RTL4: variants seen among roughly 807,000 people sequenced by gnomAD.
RTL4 encodes the protein retrotransposon Gag-like protein 4.
RTL4 carries 4 observed loss-of-function variants against 5.3 expected under a neutral mutation model. The ratio of observed to expected loss-of-function variants is 0.75; its 90% CI spans 0.37 to 1.72. The LOEUF (loss-of-function observed/expected upper bound fraction) is 1.72, where lower values mean the gene tolerates loss of function less well. RTL4 is among the 40% of genes most tolerant of loss of function. The probability of loss-of-function intolerance (pLI) is 0.04; values close to 1 mark genes in which losing one functional copy is unlikely to be tolerated. For missense variants in RTL4, 260 were observed against 227.1 expected (o/e 1.14, Z -0.93); for synonymous variants, 98 against 87.3 (o/e 1.12, Z -0.68).
chrX:112,389,545 T>G, the RTL4 span, among the ~76,000 whole-genome samples: 1 of 111,369 alleles, frequency 9.0e-6, no homozygotes, highest in African/African-American at 3.3e-5. Flanking sequence ...AGTTCTATGA[T>G]TTCCCCCTTA....
the RTL4 span, among the ~76,000 whole-genome samples, chrX:112,425,535 A>T: frequency 9.0e-6 from 1 of 111,411 alleles, no homozygotes; most frequent in East Asian, 2.8e-4. Flanking sequence ...ACTGTTTTGC[A>T]TTCTCACCAG....
At chrX:112,402,881 G>A in the RTL4 span, among the ~76,000 whole-genome samples, 2 of 111,644 alleles carry the variant, frequency 1.8e-5, no homozygotes, top group Non-Finnish European at 3.8e-5. Context: ...AAAAAAATTT[G>A]TCAGCCGACT....
At chrX:112,238,506 C>T in the RTL4 span, among the ~76,000 whole-genome samples, 4 of 111,174 alleles carry the variant, frequency 3.6e-5, no homozygotes, top group African/African-American at 1.3e-4. Context: ...ACTGCTATTA[C>T]AAAGAGTGCT....
chrX:112,184,031 T>A, the RTL4 span, among the ~76,000 whole-genome samples: 2 of 110,749 alleles, frequency 1.8e-5, no homozygotes, highest in East Asian at 5.7e-4. Context: ...TAGTTCTAGA[T>A]CCCATTTCAT....
the RTL4 span, among the ~76,000 whole-genome samples, chrX:112,088,049 C>T: frequency 9.4e-6 from 1 of 106,469 alleles, no homozygotes; most frequent in African/African-American, 3.5e-5. Context: ...CAGGGCCTCG[C>T]TATATTGTCC....
chrX:112,425,815 G>C, the RTL4 span, among the ~76,000 whole-genome samples: 2 of 111,210 alleles, frequency 1.8e-5, no homozygotes, highest in Non-Finnish European at 3.8e-5. Context: ...AAGATTCTTG[G>C]TATATTTTGG....
the RTL4 span, among the ~76,000 whole-genome samples, chrX:112,193,279 G>A: frequency 1.7e-4 from 19 of 111,020 alleles, no homozygotes; most frequent in South Asian, 3.7e-4. Context: ...TTATTTCTTT[G>A]TGTTGGGAAT....
chrX:112,451,498 C>CA (rs763960643), upstream of RTL4, among the ~76,000 whole-genome samples: 1,412 of 106,690 alleles, frequency 0.013, 12 homozygotes, highest in South Asian at 0.027. Flanking sequence ...GGTTCTGTCT[C>CA]AAAAAAAAAA....
At chrX:112,384,827 C>T in the RTL4 span, among the ~76,000 whole-genome samples, 185 of 111,863 alleles carry the variant, frequency 1.7e-3, no homozygotes, top group African/African-American at 5.7e-3. Context: ...GATATTGATT[C>T]TTCCTATCCA....
At chrX:112,226,435 T>C in the RTL4 span, among the ~76,000 whole-genome samples, 1 of 112,012 alleles carries the variant, frequency 8.9e-6, no homozygotes, top group Non-Finnish European at 1.9e-5. Flanking sequence ...AGAATGATCC[T>C]TAAGCAGATT....
At chrX:112,344,974 GACTT>G in the RTL4 span, among the ~76,000 whole-genome samples, 1 of 111,250 alleles carries the variant, frequency 9.0e-6, no homozygotes, top group African/African-American at 3.3e-5. Context: ...GAACTCGTGA[GACTT>G]ACTCACTACT....
the RTL4 span, among the ~76,000 whole-genome samples, chrX:112,185,508 T>C: frequency 9.3e-6 from 1 of 107,355 alleles, no homozygotes; most frequent in Non-Finnish European, 1.9e-5. Flanking sequence ...TGTGCTCTCG[T>C]AGAATTGTGT....
the RTL4 span, among the ~76,000 whole-genome samples, chrX:112,431,510 G>T: frequency 9.0e-6 from 1 of 110,603 alleles, no homozygotes; most frequent in Non-Finnish European, 1.9e-5. Context: ...TTACAATTCA[G>T]GTTTTCCTAC....
chrX:112,323,961 C>T, the RTL4 span, among the ~76,000 whole-genome samples: 2 of 112,083 alleles, frequency 1.8e-5, no homozygotes, highest in African/African-American at 3.2e-5. Context: ...AAAATTCACT[C>T]GTTTAAACTG....
At chrX:112,093,169 G>T in the RTL4 span, among the ~76,000 whole-genome samples, 1 of 111,254 alleles carries the variant, frequency 9.0e-6, no homozygotes, top group East Asian at 2.8e-4. Flanking sequence ...TCCACACCTG[G>T]ATAATTGCAG....
chrX:112,206,825 C>G, the RTL4 span, among the ~76,000 whole-genome samples: 1 of 111,780 alleles, frequency 8.9e-6, no homozygotes, highest in Non-Finnish European at 1.9e-5. Flanking sequence ...ATTCTGACCC[C>G]TACTCCTCCC....
the RTL4 span, among the ~76,000 whole-genome samples, chrX:112,258,052 C>T: frequency 0.22 from 24,090 of 108,615 alleles, 2,283 homozygotes; most frequent in African/African-American, 0.36. Flanking sequence ...ATTCAATCTT[C>T]TAACAATAAT....
the RTL4 span, among the ~76,000 whole-genome samples, chrX:112,413,240 C>A: frequency 7.2e-5 from 8 of 111,442 alleles, no homozygotes; most frequent in South Asian, 3.0e-3. Context: ...AAAAGAGAAC[C>A]CATGCACCTG....
chrX:112,414,376 G>A, the RTL4 span, among the ~76,000 whole-genome samples: 4 of 111,288 alleles, frequency 3.6e-5, no homozygotes, highest in Non-Finnish European at 5.7e-5. Flanking sequence ...GGGTTTCAGA[G>A]GTTTAAGTCT....
Sources: gnomAD v4.1 joint callset for allele counts (sites outside exome capture counted in the v4.1 genomes callset) on GRCh38, gnomAD v4.1.1 for gene constraint, MANE v1.5 for transcripts, NCBI Gene and HGNC (gene_info 2026-07-23, HGNC 2026-07-21) for gene names.